Variants in NIPBL observed in about 807,000 individuals in gnomAD.
NIPBL encodes NIPBL cohesin loading factor, also known as nipped-B-like protein.
In NIPBL, 19 loss-of-function variants were observed where a neutral mutation model predicts 321.8. The ratio of observed to expected loss-of-function variants is 0.06; its 90% CI spans 0.04 to 0.09. The LOEUF is 0.09. NIPBL is among the 10% of genes least tolerant of loss of function. The pLI is 1.00. For missense variants in NIPBL, 2,210 were observed against 3,327.0 expected (o/e 0.66, Z 8.26); for synonymous variants, 1,106 against 1,114.1 (o/e 0.99, Z 0.14).
At chr5:36,993,572 T>TA (rs1167444703) in intron 10 of NIPBL, among the ~76,000 whole-genome samples, 1 of 152,136 alleles carries the variant, frequency 6.6e-6, no homozygotes, top group East Asian at 1.9e-4. Flanking sequence ...TTGTGTTAAT[T>TA]AACAAGGAAA....
chr5:36,936,958 G>A (rs976637963), intron 1 of NIPBL, among the ~76,000 whole-genome samples: 2 of 152,064 alleles, frequency 1.3e-5, no homozygotes, highest in Admixed American at 6.6e-5. Flanking sequence ...AATTAGGGAG[G>A]CTAATCAGTT....
At chr5:36,980,192 G>A (rs900396528) in intron 9 of NIPBL, among the ~76,000 whole-genome samples, 4 of 151,688 alleles carry the variant, frequency 2.6e-5, no homozygotes, top group African/African-American at 9.7e-5. Flanking sequence ...TACTGTTCTT[G>A]TAGAAACTTG....
At position 36,953,716 on chromosome 5, in the gene NIPBL, A is replaced by C; in HGVS notation, c.20A>C (p.His7Pro). 6.2e-7 allele frequency: 1 copy of C among 1,613,920 alleles called. No homozygotes were observed. The highest frequency in any genetic ancestry group is 8.5e-7 in the Non-Finnish European group (1 of 1,179,820). Reference sequence around the variant, plus strand: ...TTCAGGATGAATGGGGATATGCCCCATGTCCCCATTACTACTCTTGCGGGG... The same window carrying C: ...TTCAGGATGAATGGGGATATGCCCCCTGTCCCCATTACTACTCTTGCGGGG... The part of the protein sequence containing the change: MNGDMP[H>P]VPITTLAGIA... The change falls in exon 2 of 47, where the codon CAT (histidine) becomes CCT (proline). Residue 7 changes from histidine to proline, a missense_variant. Physicochemically the swap from His to Pro is moderately conservative, Grantham distance 77 (BLOSUM62 -2). Around this residue, in one of 14 missense-constraint regions of NIPBL, gnomAD observed 28 missense variants for 65.5 expected, o/e 0.43. Coordinates refer to ENST00000282516, the MANE Select transcript of NIPBL (RefSeq NM_133433.4).
chr5:37,020,390 C>G, intron 25 of NIPBL, 69 bp from the exon 26 acceptor site: 2 of 1,092,822 alleles, frequency 1.8e-6, no homozygotes, highest in South Asian at 1.3e-5. Flanking sequence ...TGTGAGCACT[C>G]TAACTTTATT....
At chr5:36,964,817 A>G (rs1336249403) in intron 6 of NIPBL, among the ~76,000 whole-genome samples, 2 of 152,140 alleles carry the variant, frequency 1.3e-5, no homozygotes, top group East Asian at 3.8e-4. Context: ...TCAGGAATAT[A>G]TAAGGAACTC....
intron 32 of NIPBL, among the ~76,000 whole-genome samples, chr5:37,028,246 A>G (rs1194788087): frequency 6.6e-6 from 1 of 151,330 alleles, no homozygotes; most frequent in Non-Finnish European, 1.5e-5. Context: ...TTCAAAAATT[A>G]TCAGCATTTT....
At chr5:36,984,195 A>G (rs1431040118) in intron 9 of NIPBL, among the ~76,000 whole-genome samples, 1 of 151,888 alleles carries the variant, frequency 6.6e-6, no homozygotes, top group Non-Finnish European at 1.5e-5. Flanking sequence ...TACTTATCTT[A>G]GATACAGTAA....
In NIPBL at chr5:36,984,706, C is replaced by G. The variant is rs80358352; in HGVS notation, c.1526C>G (p.Ser509Cys). The change falls in exon 10 of 47, where the codon TCT becomes TGT. Residue 509 changes from serine to cysteine, a missense_variant. By Grantham distance (112) the Ser-to-Cys change is moderately radical. Around this residue, in one of 14 missense-constraint regions of NIPBL, gnomAD observed 2 missense variants for 18.1 expected, o/e 0.11. Coordinates refer to ENST00000282516, the MANE Select transcript of NIPBL (RefSeq NM_133433.4). ...CCTTTGAAAAAAAGAAAACAAGATT[C>G]TTACCCACAGGAGGCTGGGGGTGCT... ...DKPLKKRKQD[S>C]YPQEAGGATG... 9.9e-6 allele frequency: 16 copies of G among 1,610,510 alleles called. No homozygotes were observed. Among genetic ancestry groups the G allele is most frequent in the Non-Finnish European group, 1.3e-5 (15 of 1,178,906 alleles).
At chr5:37,031,891 G>A (rs912632562) in intron 32 of NIPBL, among the ~76,000 whole-genome samples, 1 of 152,156 alleles carries the variant, frequency 6.6e-6, no homozygotes, top group Non-Finnish European at 1.5e-5. Context: ...AATTCTAGGA[G>A]AGGTAAAACT....
chr5:37,042,922 CAT>C (rs1482278013), intron 34 of NIPBL, among the ~76,000 whole-genome samples: 39 of 151,112 alleles, frequency 2.6e-4, no homozygotes, highest in African/African-American at 8.5e-4. Flanking sequence ...CACACACACA[CAT>C]ATAACTTTGA....
intron 42 of NIPBL, among the ~76,000 whole-genome samples, chr5:37,054,524 G>T (rs1753902317): frequency 6.6e-6 from 1 of 152,172 alleles, no homozygotes; most frequent in Non-Finnish European, 1.5e-5. Flanking sequence ...GATGGTTTGT[G>T]TTGATAATAT....
chr5:36,929,894 A>G (rs1053554077), intron 1 of NIPBL, among the ~76,000 whole-genome samples: 10 of 152,090 alleles, frequency 6.6e-5, no homozygotes, highest in Non-Finnish European at 1.5e-4. Flanking sequence ...ACATAAATAC[A>G]AAGATTTATT....
chr5:36,977,700 G>A lies in NIPBL; in HGVS notation c.1495+1298G>A, dbSNP rs113276762. Among the ~76,000 whole-genome samples, 1,262 of 151,078 alleles carry A rather than the reference G, an allele frequency of 8.4e-3. 20 individuals carry two copies. The highest frequency in any genetic ancestry group is 0.029 in the African/African-American group (1,183 of 41,156). ...TGAGATTTGGGCTTGTAGTGAACCCGTCACCCAAATAGTGATCATAGTACC... is the reference window on the plus strand; with the variant it reads ...TGAGATTTGGGCTTGTAGTGAACCCATCACCCAAATAGTGATCATAGTACC... On this transcript the variant is annotated intron_variant, in intron 9 of 46. Coordinates refer to ENST00000282516, the MANE Select transcript of NIPBL (RefSeq NM_133433.4).
chr5:36,883,295 T>C (rs1484980522), intron 1 of NIPBL, among the ~76,000 whole-genome samples: 1 of 151,928 alleles, frequency 6.6e-6, no homozygotes, highest in Non-Finnish European at 1.5e-5. Context: ...AGTTCTCTTT[T>C]GTACATATTT....
At chr5:36,989,839 CAAAAAAAAAAAAAAAA>C (rs374278669) in intron 10 of NIPBL, among the ~76,000 whole-genome samples, 3,331 of 73,606 alleles carry the variant, frequency 0.045, 99 homozygotes, top group Middle Eastern at 0.08. Flanking sequence ...ACTCTGTCTC[CAAAAAAAAAAAAAAAA>C]AAAAAAAATT....
At chr5:36,931,968 C>A (rs1029232604) in intron 1 of NIPBL, among the ~76,000 whole-genome samples, 1 of 151,870 alleles carries the variant, frequency 6.6e-6, no homozygotes, top group African/African-American at 2.4e-5. Context: ...TTAGCTGTAT[C>A]CCATGAAGTT....
rs1178913567 is a variant in NIPBL at position 36,942,937 on chromosome 5, C to T, written c.-79-10681C>T. Reference sequence around the variant, plus strand: ...AAAAAGTTTTAATTCTTGCTAACCTCACTGTGAGACTGTAGTATTTTGTAC... The same window carrying T: ...AAAAAGTTTTAATTCTTGCTAACCTTACTGTGAGACTGTAGTATTTTGTAC... On this transcript the variant is annotated intron_variant, in intron 1 of 46. Coordinates refer to ENST00000282516, the MANE Select transcript of NIPBL (RefSeq NM_133433.4). 4.6e-5 allele frequency among the ~76,000 whole-genome samples: 7 copies of T among 152,010 alleles called. No homozygotes were observed. The East Asian group carries it at 9.6e-4, about 21-fold the overall frequency.
intron 1 of NIPBL, among the ~76,000 whole-genome samples, chr5:36,917,005 G>T (rs1284235769): frequency 3.9e-5 from 6 of 152,036 alleles, no homozygotes; most frequent in Admixed American, 3.9e-4. Flanking sequence ...TAGTCCTTTG[G>T]GTATATACCC....
At chr5:36,947,511 A>G (rs292179) in intron 1 of NIPBL, among the ~76,000 whole-genome samples, 21,984 of 151,984 alleles carry the variant, frequency 0.14, 1,975 homozygotes, top group East Asian at 0.31. Context: ...GCAGGCTCCA[A>G]TTGACTTTTC....
Sources: gnomAD v4.1 joint callset for allele counts (sites outside exome capture counted in the v4.1 genomes callset) on GRCh38, gnomAD v4.1.1 for gene constraint, gnomAD v4.1.1 regional missense constraint, MANE v1.5 for transcripts, NCBI Gene and HGNC (gene_info 2026-07-23, HGNC 2026-07-21) for gene names.